EXOC3L2: variants seen among roughly 807,000 people sequenced by gnomAD.
The protein encoded by EXOC3L2 is exocyst complex component 3-like protein 2.
Under a neutral mutation model 44.4 loss-of-function variants are expected in EXOC3L2, and 17 were observed. That is an observed-to-expected ratio of 0.38 (90% confidence interval 0.26 to 0.57). EXOC3L2 has a LOEUF of 0.57. Ranked by LOEUF, EXOC3L2 falls within the 20% of genes least tolerant of loss-of-function variation. The pLI is 0.65. For missense variants in EXOC3L2, 541 were observed against 588.4 expected, an observed-to-expected ratio of 0.92 and a Z score of 0.83; for synonymous variants, 256 against 253.7, an observed-to-expected ratio of 1.01 and a Z score of -0.09.
chr19:45,213,147 G>C lies in EXOC3L2; in HGVS notation c.2331C>G (p.Ser777=). ...LPLFLGRLPL[S]RLARPSLACL... ...AGGCCAAACTGGGCCTGGCCAGCCG[G>C]GAGAGGGGGAGGCGGCCCAGGAAGA... Residue 777 remains serine (S), a synonymous_variant, in exon 12 of 12, where the codon TCC becomes TCG. Coordinates refer to ENST00000413988, the MANE Select transcript of EXOC3L2 (RefSeq NM_001382422.1). 2 of 1,588,090 alleles carry C rather than the reference G, an allele frequency of 1.3e-6. No individual in the cohort carries two copies. Among genetic ancestry groups the C allele is most frequent in the Non-Finnish European group, 1.7e-6 (2 of 1,167,956 alleles).
chr19:45,225,620 CTTTT>C (rs555190100), intron 7 of EXOC3L2, among the ~76,000 whole-genome samples: 14 of 125,302 alleles, frequency 1.1e-4, no homozygotes, highest in Admixed American at 7.4e-4. Context: ...TTACTCTTCT[CTTTT>C]TTTTTTTTTT....
intron 4 of EXOC3L2, among the ~76,000 whole-genome samples, chr19:45,229,258 TTATG>T (rs1464934682): frequency 8.2e-6 from 1 of 122,312 alleles, no homozygotes; most frequent in East Asian, 2.5e-4. Context: ...ATACATATAT[TTATG>T]TATTAAATAT....
intron 2 of EXOC3L2, among the ~76,000 whole-genome samples, chr19:45,235,070 G>A (rs1970070257): frequency 6.6e-6 from 1 of 152,178 alleles, no homozygotes; most frequent in Admixed American, 6.5e-5. Context: ...GGAGGCCGAG[G>A]CCGGCGGATC....
At chr19:45,226,127 C>T (rs1463128770) in intron 7 of EXOC3L2, among the ~76,000 whole-genome samples, 1 of 152,110 alleles carries the variant, frequency 6.6e-6, no homozygotes, top group East Asian at 1.9e-4. Flanking sequence ...CAGTTGGTTC[C>T]ATTTTTTCCA....
At chr19:45,228,128 C>T (rs1392640405) in intron 5 of EXOC3L2, 37 bp downstream of exon 5, 5 of 1,613,762 alleles carry the variant, frequency 3.1e-6, no homozygotes, top group Non-Finnish European at 4.2e-6. Context: ...TCCCACTTTC[C>T]ATCCAGCCCA....
chr19:45,218,089 G>C (rs1023200476), intron 9 of EXOC3L2, 108 bp downstream of exon 9: 5 of 1,385,466 alleles, frequency 3.6e-6, no homozygotes, highest in Admixed American at 2.6e-5. Flanking sequence ...CAGCAGGAGC[G>C]TTCTTGGCTC....
intron 1 of EXOC3L2, among the ~76,000 whole-genome samples, chr19:45,240,910 T>C (rs1485657556): frequency 1.3e-5 from 2 of 151,390 alleles, no homozygotes; most frequent in Non-Finnish European, 2.9e-5. Context: ...TCTCAAAAAA[T>C]AAAATAAAAC....
rs535858713 is a variant in EXOC3L2, at chr19:45,223,319, G to A, written c.1719+1459C>T. Reference sequence around the variant, plus strand: ...TTGGAGAAAAATAGCAGGGAGTCGGGAGGGGGGTTTGGTCTAGGGGCTTCT... The same window carrying A: ...TTGGAGAAAAATAGCAGGGAGTCGGAAGGGGGGTTTGGTCTAGGGGCTTCT... On this transcript the variant is annotated intron_variant, in intron 8 of 11. Coordinates refer to ENST00000413988, the MANE Select transcript of EXOC3L2 (RefSeq NM_001382422.1). 6.1e-4 allele frequency among the ~76,000 whole-genome samples: 93 copies of A among 152,134 alleles called. 1 individual carries two copies. The highest frequency in any genetic ancestry group is 2.2e-3 in the African/African-American group (91 of 41,512).
chr19:45,227,684 C>T lies in EXOC3L2; in HGVS notation c.1561G>A (p.Val521Ile). 1 of 1,612,294 alleles carries T rather than the reference C, an allele frequency of 6.2e-7. No individual in the cohort carries two copies. Among genetic ancestry groups the T allele is most frequent in the Non-Finnish European group, 8.5e-7 (1 of 1,179,702 alleles). ...DTYISKTIAL[V>I]NCGPPLRALA... ...CACCTCAGTGGGGGGCCGCAGTTGA[C>T]CAGGGCGATGGTCTTGCTGATATAG... is the stretch of plus-strand genomic sequence containing the variant. Residue 521 changes from valine to isoleucine, a missense_variant, in exon 7 of 12, where the codon GTC (valine) becomes ATC (isoleucine). Transcript: ENST00000413988.
chr19:45,220,339 C>T (rs1161416434), intron 8 of EXOC3L2, among the ~76,000 whole-genome samples: 1 of 151,474 alleles, frequency 6.6e-6, no homozygotes, highest in African/African-American at 2.4e-5. Context: ...GGCATGGTGG[C>T]CCACACTGTG....
chr19:45,236,522 G>C (rs1250748341), intron 2 of EXOC3L2, among the ~76,000 whole-genome samples: 4 of 148,454 alleles, frequency 2.7e-5, no homozygotes, highest in Non-Finnish European at 4.5e-5. Context: ...AATTGTGGAA[G>C]TGAGTTGGGC....
At position 45,213,290 on chromosome 19, in the gene EXOC3L2, G is replaced by C. The variant is rs762329905; in HGVS notation, c.2188C>G (p.Leu730Val). The C allele has an allele frequency of 3.3e-5, 53 of 1,613,768 alleles. 2 individuals are homozygous for C. In the Admixed American group the frequency reaches 8.0e-4, roughly 24 times the overall value. The change falls in exon 12 of 12, where the codon CTG becomes GTG. Residue 730 changes from leucine to valine, a missense_variant. Physicochemically the swap from Leu to Val is conservative, Grantham distance 32 (BLOSUM62 1). Transcript: ENST00000413988. ...AGTTCCAGGTCCCGGGCCACGGCCA[G>C]GATCTCCTGGCGGGCGGCTGTGTTG... ...LRNTAARQEI[L>V]AVARDLELSE...
chr19:45,228,115 A>C, intron 5 of EXOC3L2, 41 bp from the exon 6 acceptor site: 1 of 1,613,796 alleles, frequency 6.2e-7, no homozygotes, highest in Non-Finnish European at 8.5e-7. Flanking sequence ...AGGAGGGGCA[A>C]GGTCCCACTT....
In EXOC3L2 at chr19:45,213,237, AG is replaced by A. The variant is rs1261630384; in HGVS notation, c.2240del (p.Pro747LeufsTer49). ...TGTCTGCAAAGAAGGCACGGTCCCGAGGGGGTGACAGGGCTCCCTCCTCAGA... is the reference window on the plus strand; with the variant it reads ...TGTCTGCAAAGAAGGCACGGTCCCGAGGGGTGACAGGGCTCCCTCCTCAGA... Reference protein sequence around the residue: ...ELSEEGALSPPRDRAFFADIP... With the variant: ...ELSEEGALSPXRDRAFFADIP... On this transcript the variant is annotated frameshift_variant, in exon 12 of 12. Coordinates refer to ENST00000413988, the MANE Select transcript of EXOC3L2 (RefSeq NM_001382422.1). LOFTEE classifies it high-confidence loss of function. 6.2e-7 allele frequency: 1 copy of A among 1,612,792 alleles called. No individual in the cohort carries two copies. Among genetic ancestry groups the A allele is most frequent in the Non-Finnish European group, 8.5e-7 (1 of 1,179,402 alleles).
intron 1 of EXOC3L2, among the ~76,000 whole-genome samples, chr19:45,243,976 T>C (rs1479173055): frequency 6.6e-6 from 1 of 151,610 alleles, no homozygotes; most frequent in Non-Finnish European, 1.5e-5. Context: ...CAGGTTGGAG[T>C]GCAGTGGCAT....
chr19:45,236,690 A>G lies in EXOC3L2; in HGVS notation c.523+1833T>C, dbSNP rs573107869. On this transcript the variant is annotated intron_variant, in intron 2 of 11. Coordinates refer to ENST00000413988, the MANE Select transcript of EXOC3L2 (RefSeq NM_001382422.1). ...GGGCTGAGGAAGAACTAGGAACTCA[A>G]ATAGGACTGAATAAGGAGGTTGATG... Among the ~76,000 whole-genome samples the G allele has an allele frequency of 4.0e-4, 60 of 151,864 alleles. 4 individuals are homozygous for G. The South Asian group carries it at 0.012, about 31-fold the overall frequency.
intron 8 of EXOC3L2, among the ~76,000 whole-genome samples, chr19:45,220,888 GGGTGAGGAA>G (rs1224180974): frequency 2.6e-5 from 4 of 151,898 alleles, no homozygotes; most frequent in Admixed American, 2.0e-4. Flanking sequence ...GGATGAAAGG[GGGTGAGGAA>G]GGGGAAGAGG....
At chr19:45,215,240 G>A (rs1969820592) in intron 11 of EXOC3L2, among the ~76,000 whole-genome samples, 1 of 152,146 alleles carries the variant, frequency 6.6e-6, no homozygotes, top group Non-Finnish European at 1.5e-5. Flanking sequence ...GGAAGCCGAG[G>A]CAGGCAGATC....
At chr19:45,229,274 T>A (rs931082081) in intron 4 of EXOC3L2, among the ~76,000 whole-genome samples, 1 of 121,882 alleles carries the variant, frequency 8.2e-6, no homozygotes, top group South Asian at 2.4e-4. Context: ...ATTAAATATA[T>A]ACATATATTT....
Sources: gnomAD v4.1 joint callset for allele counts (sites outside exome capture counted in the v4.1 genomes callset) on GRCh38, gnomAD v4.1.1 for gene constraint, MANE v1.5 for transcripts, NCBI Gene and HGNC (gene_info 2026-07-23, HGNC 2026-07-21) for gene names.